Variants in CACNA1H observed in about 807,000 individuals in gnomAD.
The protein encoded by CACNA1H is voltage-dependent T-type calcium channel subunit alpha-1H.
A neutral mutation model predicts 192.5 loss-of-function variants in CACNA1H; 149 were observed. The observed-to-expected ratio is 0.77, with a 90% CI of 0.68 to 0.89. The LOEUF (loss-of-function observed/expected upper bound fraction) is 0.89. CACNA1H is among the 40% of genes least tolerant of loss of function. The pLI is 0.00. For missense variants in CACNA1H, 4,257 were observed against 3,423.5 expected (o/e 1.24, Z -6.08); for synonymous variants, 2,202 against 1,475.2 (o/e 1.49, Z -11.29).
chr16:1,183,209 G>C (rs988367777), intron 2 of CACNA1H, among the ~76,000 whole-genome samples: 2 of 152,172 alleles, frequency 1.3e-5, no homozygotes, highest in Non-Finnish European at 2.9e-5. Flanking sequence ...TCCTGGGGCT[G>C]CCCTCGGGAT....
At position 1,218,988 on chromosome 16, in the gene CACNA1H, A is replaced by G. The variant is rs996694379; in HGVS notation, c.5906A>G (p.His1969Arg). The G allele has an allele frequency of 2.6e-6, 4 of 1,549,700 alleles. No homozygotes were observed. Among genetic ancestry groups the G allele is most frequent in the South Asian group, 1.2e-5 (1 of 84,036 alleles). ...GTPLGSVASV[H>R]SPPAESCASL... is the part of the protein sequence containing the mutation. ...GCCCCAGGCTCCGTTGCCTCTGTGC[A>G]CTCTCCGCCCGCAGAGTCCTGTGCC... Residue 1969 changes from histidine (H) to arginine (R), a missense_variant, in exon 34 of 35, where the codon CAC becomes CGC. Transcript: ENST00000348261.
In CACNA1H at chr16:1,167,861, G is replaced by T. The variant is rs1360695568; in HGVS notation, c.299+13825G>T. 6.6e-6 allele frequency among the ~76,000 whole-genome samples: 1 copy of T among 152,198 alleles called. No homozygotes were observed. Among genetic ancestry groups the T allele is most frequent in the African/African-American group, 2.4e-5 (1 of 41,452 alleles). ...GGCGTGGCCTGGCCGTCCGTCCGCG[G>T]GGCCCGGGCTGCCCATGGCAGCAGG... On this transcript the variant is annotated intron_variant, in intron 2 of 34. Coordinates refer to ENST00000348261, the MANE Select transcript of CACNA1H (RefSeq NM_021098.3). The surrounding 1 kb of genome is among the most constrained non-coding windows in gnomAD (Gnocchi z 4.2).
At chr16:1,215,153 G>T in intron 28 of CACNA1H, 72 bp downstream of exon 28, 2 of 1,579,250 alleles carry the variant, frequency 1.3e-6, no homozygotes, top group Non-Finnish European at 1.7e-6. Flanking sequence ...AGGTGAGGCC[G>T]CAGGCTTTCC....
chr16:1,206,740 C>T, intron 12 of CACNA1H: 1 of 491,306 alleles, frequency 2.0e-6, no homozygotes. Flanking sequence ...CCACCCAAAT[C>T]CAGAGTGGCT....
intron 2 of CACNA1H, among the ~76,000 whole-genome samples, chr16:1,181,932 C>T (rs977582577): frequency 6.6e-6 from 1 of 152,152 alleles, no homozygotes; most frequent in Admixed American, 6.5e-5. Context: ...TGCATGTCCC[C>T]TTTGCACACA....
rs980276489 is a variant in CACNA1H, at chr16:1,208,151, C to G, written c.3293C>G (p.Pro1098Arg). The G allele has an allele frequency of 1.9e-6, 3 of 1,579,502 alleles. No homozygotes were observed. The highest frequency in any genetic ancestry group is 2.6e-6 in the Non-Finnish European group (3 of 1,164,400). Residue 1098 changes from proline to arginine, a missense_variant, in exon 16 of 35, where the codon CCC becomes CGC. Pro to Arg is a moderately radical substitution (Grantham distance 103). Coordinates refer to ENST00000348261, the MANE Select transcript of CACNA1H (RefSeq NM_021098.3). ...AGCTCACCATTCCTGGATGCAGCCC[C>G]CAGCCTCCCAGACTCTCGGCGTGGC... ...PKSSPFLDAA[P>R]SLPDSRRGSS...
At chr16:1,212,447 G>C (rs1969567311) in intron 25 of CACNA1H, 64 bp from the exon 26 acceptor site, 1 of 1,509,348 alleles carries the variant, frequency 6.6e-7, no homozygotes, top group African/African-American at 1.4e-5. Context: ...AGGGAGAGCA[G>C]GGAGGGCTCC....
rs751933660 is a variant in CACNA1H at position 1,211,190 on chromosome 16, C to T, written c.4246C>T (p.Leu1416Phe). The change falls in exon 22 of 35, where the codon CTC becomes TTC. Residue 1416 changes from leucine to phenylalanine, a missense_variant. Physicochemically the swap from Leu to Phe is conservative, Grantham distance 22. Coordinates refer to ENST00000348261, the MANE Select transcript of CACNA1H (RefSeq NM_021098.3). Reference protein sequence around the residue: ...PLRVISRAPGLKLVVETLISS... With the variant: ...PLRVISRAPGFKLVVETLISS... ...CAGGGTCATCAGCCGGGCCCCGGGCCTCAAGCTGGTGGTGGAGACGCTGAT... is the reference window on the plus strand; with the variant it reads ...CAGGGTCATCAGCCGGGCCCCGGGCTTCAAGCTGGTGGTGGAGACGCTGAT... 6.2e-7 allele frequency: 1 copy of T among 1,612,982 alleles called. No homozygotes were observed. Among genetic ancestry groups the T allele is most frequent in the Non-Finnish European group, 8.5e-7 (1 of 1,179,786 alleles).
chr16:1,218,376 G>T lies in CACNA1H; in HGVS notation c.5612G>T (p.Arg1871Leu), dbSNP rs58124832. Residue 1871 changes from arginine to leucine, a missense_variant, in exon 33 of 35, where the codon CGG (arginine) becomes CTG (leucine). Physicochemically the swap from Arg to Leu is moderately radical, Grantham distance 102 (BLOSUM62 -2). Coordinates refer to ENST00000348261, the MANE Select transcript of CACNA1H (RefSeq NM_021098.3). ...KHLEESNKEA[R>L]EDAELDAEIE... Reference sequence around the variant, plus strand: ...CTGGAGGAGAGCAACAAGGAGGCACGGGAGGATGCGGAGCTGGACGCCGAG... The same window carrying T: ...CTGGAGGAGAGCAACAAGGAGGCACTGGAGGATGCGGAGCTGGACGCCGAG... 2 of 1,561,074 alleles carry T rather than the reference G, an allele frequency of 1.3e-6. No individual in the cohort carries two copies. Among genetic ancestry groups the T allele is most frequent in the Non-Finnish European group, 8.7e-7 (1 of 1,153,650 alleles).
At position 1,153,889 on chromosome 16, in the gene CACNA1H, C is replaced by G; in HGVS notation, c.152C>G (p.Ser51Cys). The part of the protein sequence containing the change: ...ERGSELGVSP[S>C]ESPAAERGAE... ...GGGTCCGAGCTCGGCGTGTCACCCT[C>G]CGAGAGCCCGGCGGCCGAGCGCGGC... Residue 51 changes from serine to cysteine, a missense_variant, in exon 2 of 35, where the codon TCC (serine) becomes TGC (cysteine). Physicochemically the swap from Ser to Cys is moderately radical, Grantham distance 112. Transcript: ENST00000348261. 1 of 1,441,274 alleles carries G rather than the reference C, an allele frequency of 6.9e-7. No homozygotes were observed. The highest frequency in any genetic ancestry group is 9.1e-7 in the Non-Finnish European group (1 of 1,096,602). 89.3% of individuals were successfully genotyped at this position (1,441,274 alleles called of 1,614,324 possible).
intron 25 of CACNA1H, 52 bp downstream of exon 25, chr16:1,212,190 A>G: frequency 5.2e-6 from 8 of 1,543,906 alleles, no homozygotes; most frequent in Non-Finnish European, 6.9e-6. Context: ...CTGTGTGCCC[A>G]CCGGGCCCTC....
In CACNA1H at chr16:1,217,992, C is replaced by T; in HGVS notation, c.5397C>T (p.Leu1799=). The part of the protein sequence containing the change: ...ATFSNFGMAF[L]TLFRVSTGDN... ...TCAGCAACTTCGGCATGGCCTTCCTCACGCTGTTCCGCGTGTCCACGGGGG... is the reference window on the plus strand; with the variant it reads ...TCAGCAACTTCGGCATGGCCTTCCTTACGCTGTTCCGCGTGTCCACGGGGG... The change falls in exon 32 of 35, where the codon CTC becomes CTT. Residue 1799 remains leucine (L), a synonymous_variant. Transcript: ENST00000348261. The T allele has an allele frequency of 6.2e-7, 1 of 1,603,354 alleles. No homozygotes were observed. Among genetic ancestry groups the T allele is most frequent in the Non-Finnish European group, 8.5e-7 (1 of 1,175,612 alleles).
chr16:1,183,586 A>G (rs1434982410), intron 2 of CACNA1H, among the ~76,000 whole-genome samples: 1 of 152,200 alleles, frequency 6.6e-6, no homozygotes, highest in Non-Finnish European at 1.5e-5. Flanking sequence ...GCCCCGCTGG[A>G]GAACAGGACA....
chr16:1,179,385 C>T (rs75993275), intron 2 of CACNA1H, among the ~76,000 whole-genome samples: 3 of 152,130 alleles, frequency 2.0e-5, no homozygotes, highest in Admixed American at 6.5e-5. Context: ...CTCCTGCCCC[C>T]GCGAGGTTGG....
At chr16:1,213,713 G>T (rs1033520105) in intron 26 of CACNA1H, 67 bp from the exon 27 acceptor site, 3 of 1,270,674 alleles carry the variant, frequency 2.4e-6, no homozygotes, top group Non-Finnish European at 3.2e-6. Flanking sequence ...GAGGAGAATG[G>T]AGTCTGCAGG....
intron 2 of CACNA1H, among the ~76,000 whole-genome samples, chr16:1,162,071 T>C (rs1963258654): frequency 6.6e-6 from 1 of 152,126 alleles, no homozygotes; most frequent in South Asian, 2.1e-4. Context: ...GGTTTTCTCA[T>C]CTGTGAAATG....
intron 5 of CACNA1H, among the ~76,000 whole-genome samples, chr16:1,196,377 C>T (rs1414988965): frequency 6.6e-6 from 1 of 152,240 alleles, no homozygotes; most frequent in Non-Finnish European, 1.5e-5. Flanking sequence ...TCTGGCGCAT[C>T]CTGGTGTGGC....
chr16:1,213,646 C>T, intron 26 of CACNA1H, 134 bp from the exon 27 acceptor site: 1 of 595,124 alleles, frequency 1.7e-6, no homozygotes, highest in East Asian at 2.9e-5. Context: ...GCAGGGCCAG[C>T]CCCATCTTCA....
rs1243978483 is a variant in CACNA1H, at chr16:1,187,406, AGTGGGGGGCTGT to A, written c.300-7564_300-7553del. ...GTGCCCTGCAAGGCATGGGGTCCTG[AGTGGGGGGCTGT>A]GGCCCACCTTGCTCTGGGCTTCTCC... On this transcript the variant is annotated intron_variant, in intron 2 of 34. Transcript: ENST00000348261. Among the ~76,000 whole-genome samples, 4 of 152,294 alleles carry A rather than the reference AGTGGGGGGCTGT, an allele frequency of 2.6e-5. No individual in the cohort carries two copies. The East Asian group carries it at 5.8e-4, about 22-fold the overall frequency.
Sources: gnomAD v4.1 joint callset for allele counts (sites outside exome capture counted in the v4.1 genomes callset) on GRCh38, gnomAD v4.1.1 for gene constraint, Gnocchi (gnomAD v3.1) non-coding constraint, MANE v1.5 for transcripts, NCBI Gene and HGNC (gene_info 2026-07-23, HGNC 2026-07-21) for gene names.